The following MYO3B variants were observed in gnomAD, a reference collection of about 807,000 sequenced individuals.
MYO3B encodes the protein myosin IIIB, also known as myosin-IIIb.
In MYO3B, 156 loss-of-function variants were observed where a neutral mutation model predicts 174.6. The observed-to-expected ratio is 0.89, with a 90% CI of 0.78 to 1.02. The LOEUF (loss-of-function observed/expected upper bound fraction) is 1.02. Ranked by LOEUF, MYO3B falls within the 50% of genes least tolerant of loss-of-function variation. The probability of loss-of-function intolerance (pLI) is 0.00; values close to 1 mark genes in which losing one functional copy is unlikely to be tolerated. For synonymous variants in MYO3B, 563 were observed against 569.1 expected (o/e 0.99, Z 0.15); for missense variants, 1,632 against 1,639.4 (o/e 1.00, Z 0.08).
At chr2:170,616,669 G>A (rs1258698374) in intron 32 of MYO3B, among the ~76,000 whole-genome samples, 1 of 152,122 alleles carries the variant, frequency 6.6e-6, no homozygotes, top group Non-Finnish European at 1.5e-5. Flanking sequence ...TAAACCAATA[G>A]TACAAATTAT....
intron 32 of MYO3B, among the ~76,000 whole-genome samples, chr2:170,649,442 T>C (rs1181543100): frequency 9.8e-6 from 1 of 102,330 alleles, no homozygotes; most frequent in Non-Finnish European, 2.0e-5. Context: ...ATATTACATA[T>C]AAAATATATA....
chr2:170,602,854 G>A (rs1694598371), intron 32 of MYO3B, among the ~76,000 whole-genome samples: 1 of 152,110 alleles, frequency 6.6e-6, no homozygotes, highest in Non-Finnish European at 1.5e-5. Context: ...ATCACCTGAG[G>A]TCGGGAGTTT....
chr2:170,585,248 TCTA>T (rs1213572364), intron 32 of MYO3B, among the ~76,000 whole-genome samples: 1 of 152,224 alleles, frequency 6.6e-6, no homozygotes, highest in African/African-American at 2.4e-5. Context: ...TCCTCAGGTT[TCTA>T]CTAGCCTAAA....
At chr2:170,466,454 A>G in intron 24 of MYO3B, 52 bp from the exon 25 acceptor site, 1 of 1,554,672 alleles carries the variant, frequency 6.4e-7, no homozygotes, top group Non-Finnish European at 8.9e-7. Context: ...TGTTGTAACT[A>G]TCCATTGTGT....
intron 7 of MYO3B, among the ~76,000 whole-genome samples, chr2:170,271,408 G>A (rs761132367): frequency 7.9e-5 from 12 of 152,264 alleles, no homozygotes; most frequent in Middle Eastern, 3.4e-3. Flanking sequence ...TGAGAGAATG[G>A]TGAACCATGA....
chr2:170,543,045 C>T lies in MYO3B; in HGVS notation c.3636+79C>T, dbSNP rs1690225226. ...CCAAGTTCATAGGCATGAAGCTTGT[C>T]TGCGGCTGCGTGGTTGGACCATCCA... is the stretch of plus-strand genomic sequence containing the variant. On this transcript the variant is annotated intron_variant, in intron 31 of 34. Transcript: ENST00000408978. 2.5e-6 allele frequency: 3 copies of T among 1,197,006 alleles called. No individual in the cohort carries two copies. The East Asian group carries it at 7.2e-5, about 29-fold the overall frequency. The allele number at this position is 1,197,006 out of a possible 1,614,324, so 74.1% of individuals were successfully genotyped here.
chr2:170,549,834 T>A (rs1448740552), intron 32 of MYO3B, among the ~76,000 whole-genome samples: 2 of 152,140 alleles, frequency 1.3e-5, no homozygotes, highest in Non-Finnish European at 1.5e-5. Context: ...TGCAACAGAA[T>A]CACTTCACAC....
chr2:170,196,285 T>C (rs2092599205), intron 1 of MYO3B, among the ~76,000 whole-genome samples: 1 of 152,168 alleles, frequency 6.6e-6, no homozygotes, highest in South Asian at 2.1e-4. Context: ...GTCAGGAGGA[T>C]CACTGTAGCC....
At chr2:170,334,510 A>G (rs2093933646) in intron 7 of MYO3B, 1 of 152,186 alleles carries the variant, frequency 6.6e-6, no homozygotes, top group South Asian at 2.1e-4. Flanking sequence ...TGGCTTTAAA[A>G]TTTACAGCCA....
chr2:170,583,364 A>G (rs953271251), intron 32 of MYO3B, among the ~76,000 whole-genome samples: 5 of 152,102 alleles, frequency 3.3e-5, no homozygotes, highest in Non-Finnish European at 5.9e-5. Context: ...CTCGAAGAAC[A>G]TGGCATCATT....
chr2:170,379,135 G>A (rs1401743498), intron 9 of MYO3B, among the ~76,000 whole-genome samples: 2 of 151,932 alleles, frequency 1.3e-5, no homozygotes, highest in Non-Finnish European at 2.9e-5. Context: ...AATGTAGGAA[G>A]GAGACAAACT....
chr2:170,607,162 G>C, intron 32 of MYO3B, among the ~76,000 whole-genome samples: 1 of 152,300 alleles, frequency 6.6e-6, no homozygotes, highest in South Asian at 2.1e-4. Context: ...AAGTCAAATT[G>C]TATGAGATTG....
intron 7 of MYO3B, among the ~76,000 whole-genome samples, chr2:170,300,488 G>GGGAGTAAT (rs2093658981): frequency 6.6e-6 from 1 of 152,086 alleles, no homozygotes; most frequent in African/African-American, 2.4e-5. Context: ...TGTCCCTCTG[G>GGGAGTAAT]GGAGTAATGT....
chr2:170,478,124 A>G lies in MYO3B; in HGVS notation c.3014+11413A>G, dbSNP rs139146488. 1.7e-3 allele frequency among the ~76,000 whole-genome samples: 259 copies of G among 152,268 alleles called. 2 individuals carry two copies. Among genetic ancestry groups the G allele is most frequent in the African/African-American group, 5.9e-3 (245 of 41,554 alleles). ...AAAATTTTTTCAGAAGCCATTTTACATATACCTCATTGACCTGACCTGGGT... is the reference window on the plus strand; with the variant it reads ...AAAATTTTTTCAGAAGCCATTTTACGTATACCTCATTGACCTGACCTGGGT... On this transcript the variant is annotated intron_variant, in intron 25 of 34. Coordinates refer to ENST00000408978, the MANE Select transcript of MYO3B (RefSeq NM_138995.5).
intron 1 of MYO3B, among the ~76,000 whole-genome samples, chr2:170,180,902 A>G (rs2092391055): frequency 6.6e-6 from 1 of 152,170 alleles, no homozygotes; most frequent in African/African-American, 2.4e-5. Context: ...TCTTAATTGT[A>G]TATTTGGCAT....
At chr2:170,570,578 G>C (rs1485151432) in intron 32 of MYO3B, among the ~76,000 whole-genome samples, 1 of 152,138 alleles carries the variant, frequency 6.6e-6, no homozygotes, top group Admixed American at 6.5e-5. Context: ...AGCAGACCTT[G>C]CTATGCCTTC....
chr2:170,450,775 A>G (rs188045444), intron 23 of MYO3B, among the ~76,000 whole-genome samples: 1 of 152,330 alleles, frequency 6.6e-6, no homozygotes. Flanking sequence ...TAAACTTCTT[A>G]TAACTCTTTA....
intron 5 of MYO3B, among the ~76,000 whole-genome samples, chr2:170,216,341 AT>A (rs2092828026): frequency 6.6e-6 from 1 of 152,172 alleles, no homozygotes. Context: ...TTTATAAAGC[AT>A]TTTCACATTT....
chr2:170,460,434 G>A (rs6433204), intron 23 of MYO3B, among the ~76,000 whole-genome samples: 101,686 of 145,502 alleles, frequency 0.7, 35,510 homozygotes, highest in East Asian at 0.91. Context: ...GTTGCAGTGA[G>A]CTGAGATTGC....
Sources: allele counts gnomAD v4.1 joint callset (sites outside exome capture counted in the v4.1 genomes callset), GRCh38; gene constraint gnomAD v4.1.1; transcripts MANE v1.5; gene names NCBI Gene and HGNC (gene_info 2026-07-23, HGNC 2026-07-21).